Variants in SLC25A25 observed in about 807,000 individuals in gnomAD.
SLC25A25 encodes mitochondrial adenyl nucleotide antiporter SLC25A25.
A neutral mutation model predicts 57.7 loss-of-function variants in SLC25A25; 32 were observed. That is an observed-to-expected ratio of 0.55 (90% CI 0.42 to 0.74). The LOEUF is 0.74. Among genes scored for constraint, SLC25A25 ranks in the 30% least tolerant of loss-of-function variants. The probability of loss-of-function intolerance (pLI) is 0.00; values close to 1 mark genes in which losing one functional copy is unlikely to be tolerated. For missense variants in SLC25A25, 556 were observed against 701.3 expected, an observed-to-expected ratio of 0.79 and a Z score of 2.34; for synonymous variants, 306 against 291.2, an observed-to-expected ratio of 1.05 and a Z score of -0.52.
chr9:128,091,982 A>T, intron 1 of SLC25A25: 1 of 1,613,982 alleles, frequency 6.2e-7, no homozygotes, highest in Non-Finnish European at 8.5e-7. Flanking sequence ...CCCTGCCTGG[A>T]GAGACCAGAT....
Position 128,098,623 on chromosome 9 carries a change from G to A in SLC25A25, c.262-2473G>A, listed in dbSNP as rs770773776. On this transcript the variant is annotated intron_variant, in intron 1 of 10. Transcript: ENST00000373069. The stretch of plus-strand genomic sequence containing the variant: ...TCGGGGAAGCCCAGACCGAGTTCCA[G>A]TACTTTGAGTCGAAGGGGCTCCCTG... The A allele has an allele frequency of 9.3e-6, 15 of 1,614,046 alleles. No homozygotes were observed. In the Admixed American group the frequency reaches 2.3e-4, roughly 25 times the overall value.
intron 1 of SLC25A25, among the ~76,000 whole-genome samples, chr9:128,086,219 T>C (rs1833270441): frequency 6.6e-6 from 1 of 151,982 alleles, no homozygotes; most frequent in South Asian, 2.1e-4. Context: ...CTAGAATGTG[T>C]GGTGTGATCA....
chr9:128,108,305 T>G lies in SLC25A25; in HGVS notation c.*861T>G, dbSNP rs745683615. ...AGGGAAGGAAAAGGTGTTGGAGGCC[T>G]TAATTATGGACTGTTGGGAAAAGGG... On this transcript the variant is annotated 3_prime_UTR_variant, in exon 11 of 11. Coordinates refer to ENST00000373069, the MANE Select transcript of SLC25A25 (RefSeq NM_001330988.2). 49 of 399,016 alleles carry G rather than the reference T, an allele frequency of 1.2e-4. No individual in the cohort carries two copies. The highest frequency in any genetic ancestry group is 1.9e-4 in the Non-Finnish European group (44 of 226,118). 24.7% of individuals were successfully genotyped at this position (399,016 alleles called of 1,614,324 possible).
intron 1 of SLC25A25, among the ~76,000 whole-genome samples, chr9:128,083,676 A>ATTTTTTT (rs11367855): frequency 7.0e-6 from 1 of 143,188 alleles, no homozygotes; most frequent in Non-Finnish European, 1.5e-5. Flanking sequence ...CGCCCAGCGA[A>ATTTTTTT]TTTTTTTTTT....
rs537916755 is a variant in SLC25A25, at chr9:128,084,234, A to G, written c.261+15654A>G. ...CCCTCCTCTCTGCAATTCAGGCACA[A>G]CCGACCAGCATTAACATTAAAACAG... On this transcript the variant is annotated intron_variant, in intron 1 of 10. Transcript: ENST00000373069. Among the ~76,000 whole-genome samples the G allele has an allele frequency of 5.8e-4, 87 of 150,468 alleles. 1 individual carries two copies. The South Asian group carries it at 0.018, about 31-fold the overall frequency.
chr9:128,080,349 CAA>C (rs775059465), intron 1 of SLC25A25, among the ~76,000 whole-genome samples: 19 of 108,618 alleles, frequency 1.7e-4, no homozygotes, highest in Admixed American at 3.6e-4. Context: ...GACTCCATCC[CAA>C]AAAAAAAAAA....
At chr9:128,098,402 C>T (rs1242206557) in intron 1 of SLC25A25, 22 of 1,338,978 alleles carry the variant, frequency 1.6e-5, no homozygotes, top group Middle Eastern at 2.8e-4. Context: ...CAGGACTTGC[C>T]GTGGGAGGGC....
At chr9:128,105,666 T>C (rs1248905870) in intron 6 of SLC25A25, 63 bp from the exon 7 acceptor site, 1 of 1,610,542 alleles carries the variant, frequency 6.2e-7, no homozygotes, top group East Asian at 2.2e-5. Context: ...GCAGAGGCTC[T>C]TGGCCGGGTG....
intron 1 of SLC25A25, among the ~76,000 whole-genome samples, chr9:128,084,260 ATTTTTTTT>A (rs58266648): frequency 2.1e-5 from 3 of 140,304 alleles, no homozygotes; most frequent in Non-Finnish European, 4.6e-5. Flanking sequence ...ATTAAAACAG[ATTTTTTTT>A]TTTTTTTTTT....
intron 1 of SLC25A25, among the ~76,000 whole-genome samples, chr9:128,080,349 C>CAAAAA (rs775059465): frequency 9.2e-6 from 1 of 108,654 alleles, no homozygotes; most frequent in African/African-American, 4.0e-5. Flanking sequence ...GACTCCATCC[C>CAAAAA]AAAAAAAAAA....
intron 6 of SLC25A25, among the ~76,000 whole-genome samples, chr9:128,105,489 C>A (rs962268737): frequency 4.0e-5 from 6 of 151,744 alleles, no homozygotes; most frequent in Admixed American, 3.3e-4. Context: ...TTTTTTAAGT[C>A]ATCTTTATGG....
Position 128,068,475 on chromosome 9 carries a change from A to G in SLC25A25, c.156A>G (p.Arg52=), listed in dbSNP as rs1178792820. ...CGGACCACCGGCTGCGCCTGTGGAG[A>G]CTCTTTCAGACGCTCGACGTCAACC... ...GGPDHRLRLW[R]LFQTLDVNRD... The change falls in exon 1 of 11, where the codon AGA becomes AGG. Residue 52 remains arginine, a synonymous_variant. Coordinates refer to ENST00000373069, the MANE Select transcript of SLC25A25 (RefSeq NM_001330988.2). The G allele has an allele frequency of 1.3e-6, 2 of 1,525,072 alleles. No individual in the cohort carries two copies. Among genetic ancestry groups the G allele is most frequent in the African/African-American group, 2.9e-5 (2 of 69,556 alleles). The allele number at this position is 1,525,072 out of a possible 1,614,324, so 94.5% of individuals were successfully genotyped here.
Position 128,101,463 on chromosome 9 carries a change from T to G in SLC25A25, c.476+67T>G, listed in dbSNP as rs1833792451. 3 of 1,541,316 alleles carry G rather than the reference T, an allele frequency of 1.9e-6. No homozygotes were observed. The highest frequency in any genetic ancestry group is 4.5e-5 in the East Asian group (2 of 44,262). On this transcript the variant is annotated intron_variant, in intron 3 of 10. Transcript: ENST00000373069. This position sits in a 1 kb window ranked among gnomAD's most constrained non-coding sequence, Gnocchi z 4.9. ...GAAGGGAAGGCTCTGAGACTAACCCTCCGATGCCATTCCCTGGGCTGACCC... is the reference window on the plus strand; with the variant it reads ...GAAGGGAAGGCTCTGAGACTAACCCGCCGATGCCATTCCCTGGGCTGACCC...
chr9:128,068,544 G>A lies in SLC25A25; in HGVS notation c.225G>A (p.Arg75=). 2.7e-6 allele frequency: 4 copies of A among 1,484,552 alleles called. No individual in the cohort carries two copies. Among genetic ancestry groups the A allele is most frequent in the Non-Finnish European group, 3.6e-6 (4 of 1,125,226 alleles). 92.0% of individuals were successfully genotyped at this position (1,484,552 alleles called of 1,614,324 possible). ...TCAACGACCTGGCGGTGGGGCTGCG[G>A]CGCCTGGGACTGCACCGCACCGAGG... ...LCVNDLAVGL[R]RLGLHRTEGE... is the part of the protein sequence containing the mutation. Residue 75 remains arginine (R), a synonymous_variant, in exon 1 of 11, where the codon CGG becomes CGA. Transcript: ENST00000373069.
rs746883992 is a variant in SLC25A25 at position 128,107,091 on chromosome 9, G to A, written c.1275G>A (p.Val425=). ...ACAGCGCGGACCCCGGCGTGTTTGT[G>A]CTCCTGGCCTGTGGCACCATGTCCA... The part of the protein sequence containing the change: ...AVNSADPGVF[V]LLACGTMSST... Residue 425 remains valine, a synonymous_variant, in exon 10 of 11, where the codon GTG becomes GTA. Coordinates refer to ENST00000373069, the MANE Select transcript of SLC25A25 (RefSeq NM_001330988.2). 6.2e-7 allele frequency: 1 copy of A among 1,614,134 alleles called. No individual in the cohort carries two copies. Among genetic ancestry groups the A allele is most frequent in the African/African-American group, 1.3e-5 (1 of 75,066 alleles).
rs1212500700 is a variant in SLC25A25 at position 128,099,162 on chromosome 9, C to T, written c.262-1934C>T. ...TCCCGCCTTCTCGACTCTCAGACAT[C>T]GCTGTGGAACAGGGCCTGTGTCTGC... On this transcript the variant is annotated intron_variant, in intron 1 of 10. Coordinates refer to ENST00000373069, the MANE Select transcript of SLC25A25 (RefSeq NM_001330988.2). This position sits in a 1 kb window ranked among gnomAD's most constrained non-coding sequence, Gnocchi z 6.8. 2 of 1,235,554 alleles carry T rather than the reference C, an allele frequency of 1.6e-6. No individual in the cohort carries two copies. The highest frequency in any genetic ancestry group is 2.1e-6 in the Non-Finnish European group (2 of 964,932). 76.5% of individuals were successfully genotyped at this position (1,235,554 alleles called of 1,614,324 possible).
At position 128,091,839 on chromosome 9, in the gene SLC25A25, G is replaced by A. The variant is rs968716921; in HGVS notation, c.262-9257G>A. 3 of 1,581,182 alleles carry A rather than the reference G, an allele frequency of 1.9e-6. No individual in the cohort carries two copies. In the African/African-American group the frequency reaches 4.1e-5, roughly 21 times the overall value. On this transcript the variant is annotated intron_variant, in intron 1 of 10. Transcript: ENST00000373069. ...TGGTCACATCCCTCAAAAGTGAACAGTCGCCATCAGAGGCGTTTGGAGGAG... is the reference window on the plus strand; with the variant it reads ...TGGTCACATCCCTCAAAAGTGAACAATCGCCATCAGAGGCGTTTGGAGGAG...
In SLC25A25 at chr9:128,095,417, G is replaced by A. The variant is rs1035682132; in HGVS notation, c.262-5679G>A. ...TCGGAGATTAAGGGATGATCCCAGA[G>A]CCCCTCTGGGCCCCCACAGTCTGCA... is the stretch of plus-strand genomic sequence containing the variant. On this transcript the variant is annotated intron_variant, in intron 1 of 10. Transcript: ENST00000373069. This position sits in a 1 kb window ranked among gnomAD's most constrained non-coding sequence, Gnocchi z 4.4. Among the ~76,000 whole-genome samples, 4 of 152,176 alleles carry A rather than the reference G, an allele frequency of 2.6e-5. No individual in the cohort carries two copies. The highest frequency in any genetic ancestry group is 9.6e-5 in the African/African-American group (4 of 41,452).
At chr9:128,104,816 A>G (rs1439249893) in intron 6 of SLC25A25, among the ~76,000 whole-genome samples, 6 of 142,094 alleles carry the variant, frequency 4.2e-5, no homozygotes, top group Admixed American at 1.5e-4. Flanking sequence ...ATAATGAAAA[A>G]CTTTGATTTT....
Sources: gnomAD v4.1 joint callset for allele counts (sites outside exome capture counted in the v4.1 genomes callset) on GRCh38, gnomAD v4.1.1 for gene constraint, Gnocchi (gnomAD v3.1) non-coding constraint, MANE v1.5 for transcripts, NCBI Gene and HGNC (gene_info 2026-07-23, HGNC 2026-07-21) for gene names.